Variants in FOXP1 observed in about 807,000 individuals in gnomAD.
FOXP1 encodes forkhead box P1.
In FOXP1, 15 loss-of-function variants were observed where a neutral mutation model predicts 98.2. That is an observed-to-expected ratio of 0.15 (90% CI 0.10 to 0.24). The LOEUF is 0.24. Among genes scored for constraint, FOXP1 ranks in the 10% least tolerant of loss-of-function variants. The pLI is 1.00. For synonymous variants in FOXP1, 371 were observed against 314.5 expected (o/e 1.18, Z -1.90); for missense variants, 633 against 848.5 (o/e 0.75, Z 3.15).
At chr3:71,267,464 G>C (rs1271981244) in intron 5 of FOXP1, among the ~76,000 whole-genome samples, 3 of 152,190 alleles carry the variant, frequency 2.0e-5, no homozygotes, top group Non-Finnish European at 4.4e-5. Context: ...CAAGGTGACT[G>C]AGCATAGAAC....
intron 3 of FOXP1, among the ~76,000 whole-genome samples, chr3:71,413,129 CG>C (rs2082892038): frequency 1.4e-5 from 2 of 147,838 alleles, no homozygotes; most frequent in African/African-American, 2.5e-5. Context: ...CACACACACA[CG>C]CACCCCCAAA....
At position 71,432,868 on chromosome 3, in the gene FOXP1, T is replaced by TACAA. The variant is rs2084859409; in HGVS notation, c.-168+60557_-168+60558insTTGT. 1.4e-5 allele frequency among the ~76,000 whole-genome samples: 2 copies of TACAA among 139,038 alleles called. 1 individual carries two copies. The highest frequency in any genetic ancestry group is 3.1e-5 in the Non-Finnish European group (2 of 64,548). The allele number at this position is 139,038 out of a possible 152,430, so 91.2% of individuals were successfully genotyped here. A position where few individuals can be genotyped will look rare whatever the true frequency, so the allele number is the denominator to read the frequency against. On this transcript the variant is annotated intron_variant, in intron 3 of 20. Coordinates refer to ENST00000649528, the MANE Select transcript of FOXP1 (RefSeq NM_001349338.3). ...TGTTAAAAAAAAAAAAAAAAAAAAT[T>TACAA]AAAAAAAAAAGCCCCATGATTTGGC...
chr3:71,254,980 C>T (rs2068510017), intron 5 of FOXP1, among the ~76,000 whole-genome samples: 1 of 152,184 alleles, frequency 6.6e-6, no homozygotes, highest in Admixed American at 6.5e-5. Context: ...GGATTTAGAA[C>T]CACCTCACAG....
chr3:71,014,291 C>T (rs1201445193), intron 12 of FOXP1, among the ~76,000 whole-genome samples: 1 of 152,066 alleles, frequency 6.6e-6, no homozygotes, highest in Non-Finnish European at 1.5e-5. Flanking sequence ...ACTTAATTTA[C>T]AAGAAAAAAA....
At chr3:71,054,443 C>G (rs569492327) in intron 7 of FOXP1, among the ~76,000 whole-genome samples, 2 of 152,232 alleles carry the variant, frequency 1.3e-5, no homozygotes, top group Non-Finnish European at 2.9e-5. Flanking sequence ...ATATTTGCAA[C>G]TGTTAACACG....
At chr3:71,148,022 A>G (rs9827716) in intron 6 of FOXP1, among the ~76,000 whole-genome samples, 19,089 of 152,290 alleles carry the variant, frequency 0.13, 1,369 homozygotes, top group East Asian at 0.26. Flanking sequence ...GTTCATAAAA[A>G]TCGCATAAAT....
At chr3:71,027,612 T>C (rs949571849) in intron 11 of FOXP1, among the ~76,000 whole-genome samples, 1 of 152,218 alleles carries the variant, frequency 6.6e-6, no homozygotes, top group Non-Finnish European at 1.5e-5. Context: ...GTTAGGTTCT[T>C]AGATCAGTCT....
chr3:71,199,521 G>A (rs2063521355), intron 5 of FOXP1, among the ~76,000 whole-genome samples: 1 of 150,134 alleles, frequency 6.7e-6, no homozygotes, highest in South Asian at 2.2e-4. Flanking sequence ...AAGGTCAGGA[G>A]TTCGAGACCA....
At position 70,955,787 on chromosome 3, in the gene FOXP1, G is replaced by C. The variant is rs1265894302; in HGVS notation, c.*3460C>G. 8.6e-6 allele frequency: 2 copies of C among 232,626 alleles called. No individual in the cohort carries two copies. Among genetic ancestry groups the C allele is most frequent in the African/African-American group, 4.5e-5 (2 of 44,924 alleles). 14.4% of individuals were successfully genotyped at this position (232,626 alleles called of 1,614,324 possible). On this transcript the variant is annotated 3_prime_UTR_variant, in exon 21 of 21. Coordinates refer to ENST00000649528, the MANE Select transcript of FOXP1 (RefSeq NM_001349338.3). ...GAAGGCAGTGGTAGGATAAACACAA[G>C]GGATAGGAATGTATCAAAAAACAGA...
intron 6 of FOXP1, among the ~76,000 whole-genome samples, chr3:71,193,078 G>T (rs970531185): frequency 2.0e-5 from 3 of 152,036 alleles, no homozygotes; most frequent in African/African-American, 7.2e-5. Flanking sequence ...ATCAATTCCT[G>T]ATTCTCTCAG....
chr3:71,484,448 T>C (rs1194688785), intron 3 of FOXP1, among the ~76,000 whole-genome samples: 2 of 152,250 alleles, frequency 1.3e-5, no homozygotes, highest in African/African-American at 2.4e-5. Flanking sequence ...GGAGCATTCA[T>C]TGCTACATCC....
At chr3:71,141,192 C>A (rs1398432722) in intron 6 of FOXP1, among the ~76,000 whole-genome samples, 1 of 146,158 alleles carries the variant, frequency 6.8e-6, no homozygotes, top group Non-Finnish European at 1.5e-5. Flanking sequence ...CAGTTGAACC[C>A]GGAAGGTGGA....
At chr3:71,309,083 C>A (rs1223357438) in intron 4 of FOXP1, among the ~76,000 whole-genome samples, 1 of 152,138 alleles carries the variant, frequency 6.6e-6, no homozygotes, top group East Asian at 1.9e-4. Flanking sequence ...TTAACCACAA[C>A]CTGAGGGCTT....
chr3:71,492,674 T>C (rs1577823373), intron 3 of FOXP1, among the ~76,000 whole-genome samples: 1 of 152,144 alleles, frequency 6.6e-6, no homozygotes, highest in Non-Finnish European at 1.5e-5. Flanking sequence ...AGGTTCTCCA[T>C]GAAACTGACC....
intron 3 of FOXP1, among the ~76,000 whole-genome samples, chr3:71,396,294 C>T (rs940038380): frequency 6.6e-6 from 1 of 152,050 alleles, no homozygotes; most frequent in Non-Finnish European, 1.5e-5. Context: ...AATGTGGTGC[C>T]CGATGATTGC....
intron 3 of FOXP1, among the ~76,000 whole-genome samples, chr3:71,402,081 G>A (rs1285476097): frequency 6.6e-6 from 1 of 152,132 alleles, no homozygotes; most frequent in African/African-American, 2.4e-5. Flanking sequence ...TAGTGAGTGC[G>A]GTTTATTGTC....
intron 3 of FOXP1, among the ~76,000 whole-genome samples, chr3:71,466,536 G>A (rs184168762): frequency 2.4e-4 from 36 of 152,314 alleles, no homozygotes; most frequent in Admixed American, 5.2e-4. Context: ...CCAAACAAGC[G>A]TTTATTATGC....
At chr3:71,081,014 C>T (rs542483212) in intron 7 of FOXP1, among the ~76,000 whole-genome samples, 4 of 152,328 alleles carry the variant, frequency 2.6e-5, no homozygotes, top group African/African-American at 9.6e-5. Flanking sequence ...AAACCTTTAC[C>T]TCCACAGGAT....
chr3:71,105,628 C>T (rs2107694488), intron 7 of FOXP1, among the ~76,000 whole-genome samples: 1 of 152,228 alleles, frequency 6.6e-6, no homozygotes, highest in South Asian at 2.1e-4. Context: ...ACCTCCTAGC[C>T]CCAACAATGA....
Sources: allele counts gnomAD v4.1 joint callset (sites outside exome capture counted in the v4.1 genomes callset), GRCh38; gene constraint gnomAD v4.1.1; transcripts MANE v1.5; gene names NCBI Gene and HGNC (gene_info 2026-07-23, HGNC 2026-07-21).